CPXM2: variants seen among roughly 807,000 people sequenced by gnomAD.
The protein encoded by CPXM2 is inactive carboxypeptidase-like protein X2.
Under a neutral mutation model 86.1 loss-of-function variants are expected in CPXM2, and 66 were observed. The ratio of observed to expected loss-of-function variants is 0.77; its 90% CI spans 0.63 to 0.94. The LOEUF (loss-of-function observed/expected upper bound fraction) is 0.94. Among genes scored for constraint, CPXM2 ranks in the 40% least tolerant of loss-of-function variants. CPXM2 has a pLI of 0.00. For missense variants in CPXM2, 948 were observed against 1,026.3 expected, an observed-to-expected ratio of 0.92 and a Z score of 1.04; for synonymous variants, 388 against 400.2, an observed-to-expected ratio of 0.97 and a Z score of 0.36.
Position 123,762,091 on chromosome 10 carries a change from C to T in CPXM2, c.1558G>A (p.Glu520Lys), listed in dbSNP as rs1374701771. The T allele has an allele frequency of 6.2e-6, 10 of 1,614,132 alleles. No homozygotes were observed. Among genetic ancestry groups the T allele is most frequent in the Admixed American group, 1.7e-5 (1 of 60,032 alleles). ...FVLGGNLQGG[E>K]LVVAYPYDLV... ...TCGTAGGGGTACGCCACCACCAGCT[C>T]GCCGCCCTGCAGGTTGCCGCCCAGC... The change falls in exon 11 of 14, where the codon GAG becomes AAG. Residue 520 changes from glutamate to lysine, a missense_variant. Coordinates refer to ENST00000241305, the MANE Select transcript of CPXM2 (RefSeq NM_198148.3).
intron 4 of CPXM2, among the ~76,000 whole-genome samples, chr10:123,813,215 GTA>G (rs1450321745): frequency 1.3e-5 from 2 of 152,170 alleles, no homozygotes; most frequent in African/African-American, 4.8e-5. Context: ...AAGAGCAACT[GTA>G]TTAACATTTT....
At chr10:123,854,664 T>C (rs951307700) in intron 3 of CPXM2, among the ~76,000 whole-genome samples, 1 of 150,534 alleles carries the variant, frequency 6.6e-6, no homozygotes, top group Admixed American at 6.7e-5. Flanking sequence ...CCCCGGAGCC[T>C]GTGTGTCTAC....
chr10:123,872,815 GA>G (rs1053301349), intron 2 of CPXM2, among the ~76,000 whole-genome samples: 72 of 152,092 alleles, frequency 4.7e-4, no homozygotes, highest in African/African-American at 1.6e-3. Context: ...AACACTCAGA[GA>G]AATGTGACCT....
chr10:123,912,040 C>T (rs1402225346), intron 2 of CPXM2, among the ~76,000 whole-genome samples: 3 of 152,026 alleles, frequency 2.0e-5, no homozygotes, highest in Non-Finnish European at 2.9e-5. Flanking sequence ...GGGTGACTTG[C>T]GGAACCACGT....
intron 6 of CPXM2, among the ~76,000 whole-genome samples, chr10:123,790,774 G>C (rs191857222): frequency 6.1e-4 from 93 of 152,266 alleles, no homozygotes; most frequent in African/African-American, 2.2e-3. Context: ...CCAAGAGTCT[G>C]CCTCAGAACA....
chr10:123,841,587 T>C (rs1411642361), intron 4 of CPXM2, among the ~76,000 whole-genome samples: 2 of 152,248 alleles, frequency 1.3e-5, no homozygotes, highest in South Asian at 2.1e-4. Context: ...TAGGTCATCA[T>C]GGAAGTGGAA....
intron 2 of CPXM2, among the ~76,000 whole-genome samples, chr10:123,900,533 G>A (rs1590112523): frequency 3.3e-5 from 5 of 152,336 alleles, no homozygotes; most frequent in Admixed American, 3.3e-4. Context: ...ACAACTATTA[G>A]CTGGGCAAAA....
At chr10:123,858,510 A>T (rs1475830954) in intron 3 of CPXM2, among the ~76,000 whole-genome samples, 1 of 152,254 alleles carries the variant, frequency 6.6e-6, no homozygotes, top group Non-Finnish European at 1.5e-5. Context: ...TTATGGCATC[A>T]TTAGGAGCAA....
At chr10:123,899,257 A>C (rs1182819914) in intron 2 of CPXM2, among the ~76,000 whole-genome samples, 3 of 152,248 alleles carry the variant, frequency 2.0e-5, no homozygotes, top group African/African-American at 7.2e-5. Flanking sequence ...TACATAAAGT[A>C]TACATAAAAT....
intron 2 of CPXM2, among the ~76,000 whole-genome samples, chr10:123,915,093 A>G (rs1474846437): frequency 1.3e-5 from 2 of 152,058 alleles, no homozygotes; most frequent in Non-Finnish European, 2.9e-5. Flanking sequence ...TCCCCCGCCT[A>G]GATCCTTTCA....
intron 1 of CPXM2, among the ~76,000 whole-genome samples, chr10:123,882,439 C>G (rs1298632861): frequency 6.6e-6 from 1 of 152,146 alleles, no homozygotes; most frequent in Non-Finnish European, 1.5e-5. Context: ...AAGAGCCTGA[C>G]CAGGGCTCTG....
chr10:123,763,441 G>A (rs1281190166), intron 10 of CPXM2, among the ~76,000 whole-genome samples: 2 of 151,964 alleles, frequency 1.3e-5, no homozygotes, highest in African/African-American at 4.8e-5. Flanking sequence ...CCCACTCGGA[G>A]GCACCCACTG....
intron 4 of CPXM2, among the ~76,000 whole-genome samples, chr10:123,833,970 A>C (rs1848222999): frequency 6.6e-6 from 1 of 152,172 alleles, no homozygotes; most frequent in Non-Finnish European, 1.5e-5. Flanking sequence ...GATGTGAATT[A>C]ACTCATTTAA....
chr10:123,817,474 A>G (rs1590032905), intron 4 of CPXM2, among the ~76,000 whole-genome samples: 1 of 152,280 alleles, frequency 6.6e-6, no homozygotes, highest in East Asian at 1.9e-4. Flanking sequence ...GTGTAAACTG[A>G]ACATTTGTCT....
At chr10:123,943,746 C>T (rs1489268485), upstream of CPXM2, among the ~76,000 whole-genome samples, 1 of 152,206 alleles carries the variant, frequency 6.6e-6, no homozygotes, top group African/African-American at 2.4e-5. Flanking sequence ...GCCCAGGCTA[C>T]GGTGGGGCTG....
At chr10:123,755,615 G>T (rs1846187087) in intron 12 of CPXM2, among the ~76,000 whole-genome samples, 1 of 152,182 alleles carries the variant, frequency 6.6e-6, no homozygotes, top group Admixed American at 6.5e-5. Context: ...TGACTTAAAA[G>T]TCAGAGGGAA....
intron 9 of CPXM2, 105 bp downstream of exon 9, chr10:123,768,421 A>AAATAAAGC (rs1379669674): frequency 1.5e-5 from 8 of 522,784 alleles, no homozygotes; most frequent in Admixed American, 4.2e-5. Context: ...ATAAATAAAT[A>AAATAAAGC]AAGCTCGGAA....
At chr10:123,755,075 G>C (rs1006983596) in intron 12 of CPXM2, among the ~76,000 whole-genome samples, 4 of 152,214 alleles carry the variant, frequency 2.6e-5, no homozygotes, top group African/African-American at 7.2e-5. Flanking sequence ...ATAAGGGGAG[G>C]GGGCTAGTGA....
In CPXM2 at chr10:123,754,761, A is replaced by C; in HGVS notation, c.1919T>G (p.Val640Gly). 1.3e-6 allele frequency: 2 copies of C among 1,584,488 alleles called. No homozygotes were observed. The highest frequency in any genetic ancestry group is 1.7e-6 in the Non-Finnish European group (2 of 1,152,920). ...RESLIVFMEQ[V>G]HRGIKGLVRD... Reference sequence around the variant, plus strand: ...CACCAAGCCTTTAATGCCACGATGAACCTGCTCAGCAAACATGAGACACAG... The same window carrying C: ...CACCAAGCCTTTAATGCCACGATGACCCTGCTCAGCAAACATGAGACACAG... The change falls in exon 13 of 14, where the codon GTT (valine) becomes GGT (glycine). Residue 640 changes from valine to glycine, a missense_variant and splice_region_variant. Transcript: ENST00000241305. The surrounding 1 kb of genome is among the most constrained non-coding windows in gnomAD (Gnocchi z 4.0).
Sources: gnomAD v4.1 joint callset for allele counts (sites outside exome capture counted in the v4.1 genomes callset) on GRCh38, gnomAD v4.1.1 for gene constraint, Gnocchi (gnomAD v3.1) non-coding constraint, MANE v1.5 for transcripts, NCBI Gene and HGNC (gene_info 2026-07-23, HGNC 2026-07-21) for gene names.